The following SPECC1L variants were observed in gnomAD, a reference collection of about 807,000 sequenced individuals.
The protein encoded by SPECC1L is sperm antigen with calponin homology and coiled-coil domains 1 like.
SPECC1L carries 40 observed loss-of-function variants against 116.8 expected under a neutral mutation model. The ratio of observed to expected loss-of-function variants is 0.34; its 90% CI spans 0.27 to 0.45. The LOEUF (loss-of-function observed/expected upper bound fraction) is 0.45. Among genes scored for constraint, SPECC1L ranks in the 20% least tolerant of loss-of-function variants. The pLI is 1.00. For missense variants in SPECC1L, 1,110 were observed against 1,373.6 expected (o/e 0.81, Z 3.03); for synonymous variants, 504 against 500.6 (o/e 1.01, Z -0.09).
At chr22:24,324,170 C>T (rs774199671) in intron 5 of SPECC1L, 50 bp from the exon 6 acceptor site, 5 of 1,511,698 alleles carry the variant, frequency 3.3e-6, no homozygotes, top group Non-Finnish European at 4.6e-6. Context: ...TGGAACGTAC[C>T]TTAGAACAAC....
chr22:24,351,196 A>G (rs1265063048), intron 11 of SPECC1L, among the ~76,000 whole-genome samples: 1 of 152,202 alleles, frequency 6.6e-6, no homozygotes, highest in African/African-American at 2.4e-5. Context: ...GTCACTTGTT[A>G]AAATATAGAA....
rs576751236 is a variant in SPECC1L, at chr22:24,307,130, T to A, written c.153+4746T>A. Among the ~76,000 whole-genome samples, 21 of 152,326 alleles carry A rather than the reference T, an allele frequency of 1.4e-4. No homozygotes were observed. The South Asian group carries it at 3.7e-3, about 27-fold the overall frequency. On this transcript the variant is annotated intron_variant, in intron 3 of 16. Transcript: ENST00000314328. ...ATGAATATGGGTGTACAAAGATCTC[T>A]TCAAGGCCCTGCTTTCAATTTTGGG... is the stretch of plus-strand genomic sequence containing the variant.
chr22:24,306,769 C>A (rs1231172230), intron 3 of SPECC1L, among the ~76,000 whole-genome samples: 1 of 152,164 alleles, frequency 6.6e-6, no homozygotes, highest in Non-Finnish European at 1.5e-5. Flanking sequence ...TGTCATCTTG[C>A]TAAACTGAAT....
intron 16 of SPECC1L, among the ~76,000 whole-genome samples, chr22:24,413,423 G>A (rs992127139): frequency 7.2e-5 from 11 of 152,180 alleles, no homozygotes; most frequent in East Asian, 1.9e-4. Flanking sequence ...CAGAAAGGGC[G>A]GAGAGCCCAC....
At chr22:24,367,216 G>A (rs2041787351) in intron 13 of SPECC1L, among the ~76,000 whole-genome samples, 1 of 152,066 alleles carries the variant, frequency 6.6e-6, no homozygotes, top group Non-Finnish European at 1.5e-5. Flanking sequence ...TTTATGTTGA[G>A]CCGTGACAAG....
chr22:24,325,860 A>G (rs571316436), intron 6 of SPECC1L, among the ~76,000 whole-genome samples: 1 of 152,326 alleles, frequency 6.6e-6, no homozygotes, highest in Non-Finnish European at 1.5e-5. Flanking sequence ...TAGATGTGTC[A>G]TGTCCTTTGT....
rs902073402 is a variant in SPECC1L at position 24,322,600 on chromosome 22, C to T, written c.1620C>T (p.Arg540=). 2.5e-6 allele frequency: 4 copies of T among 1,614,046 alleles called. No individual in the cohort carries two copies. Among genetic ancestry groups the T allele is most frequent in the African/African-American group, 2.7e-5 (2 of 74,944 alleles). Reference sequence around the variant, plus strand: ...AAATGATAGGGGCACTCAAAGAACGCAGTCACCATATGGAGCGAATTATTG... The same window carrying T: ...AAATGATAGGGGCACTCAAAGAACGTAGTCACCATATGGAGCGAATTATTG... ...AQEMIGALKE[R]SHHMERIIES... is the part of the protein sequence containing the mutation. Residue 540 remains arginine (R), a synonymous_variant, in exon 5 of 17, where the codon CGC becomes CGT. Transcript: ENST00000314328.
chr22:24,299,791 A>G (rs751627940), intron 2 of SPECC1L, among the ~76,000 whole-genome samples: 32 of 152,192 alleles, frequency 2.1e-4, no homozygotes, highest in Admixed American at 5.9e-4. Context: ...GGTTTTCAAT[A>G]TATTCACAGT....
intron 10 of SPECC1L, among the ~76,000 whole-genome samples, chr22:24,341,269 T>C (rs1397890475): frequency 6.6e-6 from 1 of 152,234 alleles, no homozygotes; most frequent in South Asian, 2.1e-4. Context: ...TGCACCTGCA[T>C]TGGGTGAAAC....
intron 2 of SPECC1L, among the ~76,000 whole-genome samples, chr22:24,298,696 C>CA (rs1282134190): frequency 6.6e-6 from 1 of 152,194 alleles, no homozygotes; most frequent in Non-Finnish European, 1.5e-5. Flanking sequence ...AGAGATGTCC[C>CA]AGCTCAGCAG....
chr22:24,369,439 C>T, intron 14 of SPECC1L, 119 bp downstream of exon 14: 1 of 772,124 alleles, frequency 1.3e-6, no homozygotes, highest in Non-Finnish European at 2.3e-6. Flanking sequence ...TGGTGGATCA[C>T]ACCTATAATC....
At chr22:24,304,765 A>G (rs1291798090) in intron 3 of SPECC1L, among the ~76,000 whole-genome samples, 1 of 152,272 alleles carries the variant, frequency 6.6e-6, no homozygotes, top group African/African-American at 2.4e-5. Flanking sequence ...CATACAGTGT[A>G]AACATTTGTT....
At chr22:24,377,178 G>A (rs2041987594) in intron 14 of SPECC1L, among the ~76,000 whole-genome samples, 1 of 152,124 alleles carries the variant, frequency 6.6e-6, no homozygotes, top group Non-Finnish European at 1.5e-5. Flanking sequence ...GCATATACTA[G>A]TACCTCATTC....
intron 10 of SPECC1L, among the ~76,000 whole-genome samples, chr22:24,346,227 C>T (rs1423459364): frequency 6.6e-6 from 1 of 152,048 alleles, no homozygotes; most frequent in Non-Finnish European, 1.5e-5. Flanking sequence ...AGGCTGGTCT[C>T]AAACTCCTGA....
intron 11 of SPECC1L, among the ~76,000 whole-genome samples, chr22:24,358,863 G>C (rs1274933553): frequency 6.6e-6 from 1 of 152,172 alleles, no homozygotes; most frequent in African/African-American, 2.4e-5. Flanking sequence ...TCTACAATTA[G>C]AATTAACTAG....
At chr22:24,324,474 C>A in intron 6 of SPECC1L, 47 bp downstream of exon 6, 1 of 1,517,112 alleles carries the variant, frequency 6.6e-7, no homozygotes, top group Admixed American at 1.7e-5. Context: ...CTCTTTTAAA[C>A]ATGCGGGGAT....
intron 2 of SPECC1L, among the ~76,000 whole-genome samples, chr22:24,301,344 C>G (rs1040923766): frequency 2.6e-5 from 4 of 152,296 alleles, no homozygotes; most frequent in African/African-American, 9.6e-5. Context: ...TTTACGTGGT[C>G]TTCTTTTATT....
chr22:24,363,212 AAAGT>A, intron 11 of SPECC1L, 45 bp from the exon 12 acceptor site: 1 of 1,497,484 alleles, frequency 6.7e-7, no homozygotes, highest in Non-Finnish European at 9.3e-7. Context: ...TTATTACTTT[AAAGT>A]TCAGCATCAG....
chr22:24,353,780 A>G (rs1003766739), intron 11 of SPECC1L, among the ~76,000 whole-genome samples: 7 of 152,208 alleles, frequency 4.6e-5, no homozygotes, highest in South Asian at 2.1e-4. Flanking sequence ...TCAGGGGTAC[A>G]TGAGATTGAT....
Sources: gnomAD v4.1 joint callset for allele counts (sites outside exome capture counted in the v4.1 genomes callset) on GRCh38, gnomAD v4.1.1 for gene constraint, MANE v1.5 for transcripts, NCBI Gene and HGNC (gene_info 2026-07-23, HGNC 2026-07-21) for gene names.